Variants in VEGFC observed in about 807,000 individuals in gnomAD.
VEGFC encodes FLT4 ligand DHM.
In VEGFC, 12 loss-of-function variants were observed where a neutral mutation model predicts 46.1. The observed-to-expected ratio is 0.26, with a 90% CI of 0.17 to 0.42. The LOEUF is 0.42. Ranked by LOEUF, VEGFC falls within the 10% of genes least tolerant of loss-of-function variation. The probability of loss-of-function intolerance (pLI) is 1.00; values close to 1 mark genes in which losing one functional copy is unlikely to be tolerated. For synonymous variants in VEGFC, 232 were observed against 195.5 expected (o/e 1.19, Z -1.56); for missense variants, 488 against 529.4 (o/e 0.92, Z 0.77).
At chr4:176,778,401 A>T (rs1331812464) in intron 1 of VEGFC, among the ~76,000 whole-genome samples, 3 of 152,116 alleles carry the variant, frequency 2.0e-5, no homozygotes, top group Non-Finnish European at 4.4e-5. Flanking sequence ...TAGGAAAAAA[A>T]AAACAAGTAA....
intron 4 of VEGFC, 61 bp downstream of exon 4, chr4:176,711,438 A>C: frequency 6.6e-7 from 1 of 1,517,020 alleles, no homozygotes; most frequent in African/African-American, 1.4e-5. Context: ...ACTTATGTTT[A>C]CTTGAAAATA....
chr4:176,723,645 A>C (rs1012553719), intron 3 of VEGFC, among the ~76,000 whole-genome samples: 1 of 150,040 alleles, frequency 6.7e-6, no homozygotes, highest in Non-Finnish European at 1.5e-5. Context: ...GATTTGTGAC[A>C]TAGGTAAACT....
rs1195040360 is a variant in VEGFC, at chr4:176,696,367, G to T, written c.705-8440C>A. 2.0e-5 allele frequency among the ~76,000 whole-genome samples: 3 copies of T among 150,794 alleles called. No individual in the cohort carries two copies. The East Asian group carries it at 5.9e-4, about 29-fold the overall frequency. ...AGACAAACAGAGAGCCAAATCATGAGTGAACTCCCATTCACAATTGCTTCA... is the reference window on the plus strand; with the variant it reads ...AGACAAACAGAGAGCCAAATCATGATTGAACTCCCATTCACAATTGCTTCA... On this transcript the variant is annotated intron_variant, in intron 4 of 6. Transcript: ENST00000618562.
At chr4:176,781,804 C>A (rs1414713577) in intron 1 of VEGFC, among the ~76,000 whole-genome samples, 1 of 152,176 alleles carries the variant, frequency 6.6e-6, no homozygotes, top group Non-Finnish European at 1.5e-5. Flanking sequence ...AAAATCATTA[C>A]CCACACATCC....
intron 4 of VEGFC, among the ~76,000 whole-genome samples, chr4:176,707,956 A>G (rs1186143150): frequency 1.3e-5 from 2 of 151,946 alleles, no homozygotes; most frequent in Non-Finnish European, 2.9e-5. Context: ...TTAAATAATA[A>G]TAATTTATAT....
chr4:176,746,348 T>G (rs1444392623), intron 1 of VEGFC, among the ~76,000 whole-genome samples: 3 of 152,012 alleles, frequency 2.0e-5, no homozygotes, highest in Non-Finnish European at 2.9e-5. Flanking sequence ...AGCTGGGCAT[T>G]CTCTGGAAAT....
chr4:176,743,029 A>C (rs748797169), intron 1 of VEGFC, among the ~76,000 whole-genome samples: 3 of 152,004 alleles, frequency 2.0e-5, no homozygotes, highest in Admixed American at 6.6e-5. Flanking sequence ...CATCAAAGGA[A>C]CCGGAAGAAG....
chr4:176,783,041 G>C (rs1194052393), intron 1 of VEGFC, among the ~76,000 whole-genome samples: 1 of 152,102 alleles, frequency 6.6e-6, no homozygotes, highest in African/African-American at 2.4e-5. Flanking sequence ...TTCAGCACAG[G>C]GTAACCACGC....
At chr4:176,772,787 G>A (rs1045275931) in intron 1 of VEGFC, among the ~76,000 whole-genome samples, 6 of 152,082 alleles carry the variant, frequency 3.9e-5, no homozygotes, top group Admixed American at 1.3e-4. Context: ...CTGATGTGAT[G>A]CCTTCCACCA....
intron 4 of VEGFC, among the ~76,000 whole-genome samples, chr4:176,706,502 C>T (rs537472768): frequency 1.3e-5 from 2 of 151,718 alleles, no homozygotes; most frequent in South Asian, 4.2e-4. Flanking sequence ...TGGCGGGCAA[C>T]TGTAATCACA....
chr4:176,740,991 G>A (rs1735162247), intron 1 of VEGFC, among the ~76,000 whole-genome samples: 1 of 151,696 alleles, frequency 6.6e-6, no homozygotes, highest in South Asian at 2.1e-4. Flanking sequence ...ACCAAAAAGA[G>A]GAATATAAAG....
intron 1 of VEGFC, among the ~76,000 whole-genome samples, chr4:176,736,414 C>CT (rs1441757124): frequency 1.3e-5 from 2 of 151,856 alleles, no homozygotes; most frequent in African/African-American, 4.8e-5. Flanking sequence ...AGCTGTACCA[C>CT]TTATCACCTG....
chr4:176,707,261 T>C (rs1734550428), intron 4 of VEGFC, among the ~76,000 whole-genome samples: 1 of 152,214 alleles, frequency 6.6e-6, no homozygotes, highest in Admixed American at 6.5e-5. Flanking sequence ...TGAAAAATGA[T>C]TGAACAATTT....
At chr4:176,688,117 G>A (rs1734079733) in intron 4 of VEGFC, among the ~76,000 whole-genome samples, 190 bp from the exon 5 acceptor site, 1 of 152,138 alleles carries the variant, frequency 6.6e-6, no homozygotes, top group Admixed American at 6.5e-5. Context: ...AATCCCAGAG[G>A]TGATCACTGT....
intron 4 of VEGFC, among the ~76,000 whole-genome samples, chr4:176,690,437 T>A (rs944219659): frequency 6.6e-6 from 1 of 152,128 alleles, no homozygotes; most frequent in Non-Finnish European, 1.5e-5. Flanking sequence ...CGTTACACAT[T>A]ATTGTAAACC....
chr4:176,719,473 T>C (rs565962022), intron 3 of VEGFC, among the ~76,000 whole-genome samples: 10 of 152,302 alleles, frequency 6.6e-5, no homozygotes, highest in East Asian at 1.9e-4. Context: ...GGAATATTAG[T>C]AAAAATGTAG....
At chr4:176,760,923 G>A (rs1181903191) in intron 1 of VEGFC, among the ~76,000 whole-genome samples, 4 of 152,070 alleles carry the variant, frequency 2.6e-5, no homozygotes, top group African/African-American at 7.2e-5. Context: ...TGATTGTTTC[G>A]CACATGGCAA....
Position 176,710,222 on chromosome 4 carries a change from G to A in VEGFC, c.704+1277C>T, listed in dbSNP as rs958513212. On this transcript the variant is annotated intron_variant, in intron 4 of 6. Transcript: ENST00000618562. The stretch of plus-strand genomic sequence containing the variant: ...TCATTTTGGAAGCCATGAGTATGGA[G>A]ATAATGGCTAAAGCTCTCAGAATGG... Among the ~76,000 whole-genome samples the A allele has an allele frequency of 7.2e-5, 11 of 152,308 alleles. No individual in the cohort carries two copies. In the South Asian group the frequency reaches 2.1e-3, roughly 29 times the overall value.
intron 1 of VEGFC, among the ~76,000 whole-genome samples, chr4:176,734,361 A>G (rs1735020676): frequency 6.6e-6 from 1 of 151,832 alleles, no homozygotes; most frequent in South Asian, 2.1e-4. Flanking sequence ...CAAATAGTTT[A>G]TAATTTGAAG....
Sources: gnomAD v4.1 joint callset for allele counts (sites outside exome capture counted in the v4.1 genomes callset) on GRCh38, gnomAD v4.1.1 for gene constraint, MANE v1.5 for transcripts, NCBI Gene and HGNC (gene_info 2026-07-23, HGNC 2026-07-21) for gene names.